AFF2: variants seen among roughly 807,000 people sequenced by gnomAD.
The protein encoded by AFF2 is AF4/FMR2 family member 2.
AFF2 carries 14 observed loss-of-function variants against 76.9 expected under a neutral mutation model. That is an observed-to-expected ratio of 0.18 (90% CI 0.12 to 0.28). The LOEUF (loss-of-function observed/expected upper bound fraction) is 0.28, where lower values mean the gene tolerates loss of function less well. AFF2 is among the 10% of genes least tolerant of loss of function. The probability of loss-of-function intolerance (pLI) is 1.00; values close to 1 mark genes in which losing one functional copy is unlikely to be tolerated. For synonymous variants in AFF2, 398 were observed against 366.7 expected (o/e 1.09, Z -0.98); for missense variants, 868 against 1,001.1 (o/e 0.87, Z 1.79).
chrX:148,533,345 T>A (rs1298485098), intron 1 of AFF2, among the ~76,000 whole-genome samples: 1 of 109,761 alleles, frequency 9.1e-6, no homozygotes, highest in East Asian at 2.8e-4. Flanking sequence ...CAGGCTGGAG[T>A]GCAGTGGTGC....
At chrX:148,621,024 C>T (rs1285765468) in intron 1 of AFF2, among the ~76,000 whole-genome samples, 1 of 111,641 alleles carries the variant, frequency 9.0e-6, no homozygotes, top group East Asian at 2.9e-4. Flanking sequence ...GCAGTGAATG[C>T]TTTATGAGCC....
chrX:148,736,410 A>G (rs781943519), intron 3 of AFF2, among the ~76,000 whole-genome samples: 29 of 110,970 alleles, frequency 2.6e-4, no homozygotes, highest in South Asian at 1.1e-3. Flanking sequence ...GGTCATTTGT[A>G]TATCTTCTTT....
chrX:148,753,190 G>C (rs2055522491), intron 3 of AFF2, among the ~76,000 whole-genome samples: 2 of 111,672 alleles, frequency 1.8e-5, no homozygotes, highest in Non-Finnish European at 3.8e-5. Flanking sequence ...CATTTTTATA[G>C]TATGCATAAT....
At chrX:148,586,195 C>G (rs1294092847) in intron 1 of AFF2, among the ~76,000 whole-genome samples, 1 of 111,191 alleles carries the variant, frequency 9.0e-6, no homozygotes, top group Admixed American at 9.6e-5. Flanking sequence ...TCCTGGGTGC[C>G]AGGTCAAGGT....
intron 5 of AFF2, among the ~76,000 whole-genome samples, chrX:148,839,933 G>GTA (rs1208048851): frequency 9.3e-6 from 1 of 107,542 alleles, no homozygotes; most frequent in African/African-American, 3.5e-5. Flanking sequence ...GTGTGTGTGT[G>GTA]TGTATGTGTA....
Position 148,921,859 on chromosome X carries a change from G to A in AFF2, c.1397+17601G>A, listed in dbSNP as rs139422285. Among the ~76,000 whole-genome samples the A allele has an allele frequency of 7.3e-3, 819 of 111,968 alleles. 3 individuals are homozygous for A. The highest frequency in any genetic ancestry group is 0.018 in the African/African-American group (541 of 30,841). On this transcript the variant is annotated intron_variant, in intron 9 of 20. Transcript: ENST00000370460. ...TGTTCTTCAATTCTGTAAACTATTC[G>A]TCCTACTTGCAAAACAAGGAGGTGG... is the stretch of plus-strand genomic sequence containing the variant.
intron 3 of AFF2, among the ~76,000 whole-genome samples, chrX:148,786,916 G>A (rs782148581): frequency 1.8e-5 from 2 of 111,857 alleles, no homozygotes; most frequent in Non-Finnish European, 3.8e-5. Context: ...CCCCACCCAC[G>A]GACCAGTTAG....
intron 1 of AFF2, among the ~76,000 whole-genome samples, chrX:148,570,488 A>T (rs2053217135): frequency 8.9e-6 from 1 of 111,987 alleles, no homozygotes; most frequent in East Asian, 2.8e-4. Context: ...TTTCATTTCA[A>T]AGATAGTGCT....
At chrX:148,625,711 T>C (rs2053918907) in intron 1 of AFF2, among the ~76,000 whole-genome samples, 1 of 111,800 alleles carries the variant, frequency 8.9e-6, no homozygotes, top group African/African-American at 3.2e-5. Context: ...TTCCTAAAGA[T>C]AGAGGATCCT....
chrX:148,987,457 C>T lies in AFF2; in HGVS notation c.3714C>T (p.Arg1238=). The T allele has an allele frequency of 1.7e-6, 2 of 1,210,879 alleles. No individual in the cohort carries two copies. The highest frequency in any genetic ancestry group is 2.2e-6 in the Non-Finnish European group (2 of 894,623). Residue 1238 remains arginine (R), a synonymous_variant, in exon 20 of 21, where the codon CGC becomes CGT. Transcript: ENST00000370460. ...CNNGPVTIPQ[R]IHHMAASHVN... Reference sequence around the variant, plus strand: ...ATGGCCCAGTCACCATTCCCCAGCGCATTCACCACATGGCTGCCAGCCACG... The same window carrying T: ...ATGGCCCAGTCACCATTCCCCAGCGTATTCACCACATGGCTGCCAGCCACG...
intron 3 of AFF2, among the ~76,000 whole-genome samples, chrX:148,674,528 G>A (rs1344069717): frequency 8.9e-6 from 1 of 112,061 alleles, no homozygotes; most frequent in African/African-American, 3.2e-5. Flanking sequence ...ACAGACAGGT[G>A]GATGTAAATG....
At chrX:148,973,944 A>G (rs1328602893) in intron 16 of AFF2, among the ~76,000 whole-genome samples, 1 of 111,845 alleles carries the variant, frequency 8.9e-6, no homozygotes, top group East Asian at 2.8e-4. Flanking sequence ...TTTATAATTC[A>G]AAAAAATGGT....
At chrX:148,656,493 ATT>A (rs1205846596) in intron 2 of AFF2, among the ~76,000 whole-genome samples, 85 of 68,063 alleles carry the variant, frequency 1.2e-3, no homozygotes, top group African/African-American at 2.5e-3. Flanking sequence ...TCCATGAGGA[ATT>A]TTTTTTTTTT....
chrX:148,901,399 C>A (rs993891919), intron 8 of AFF2, among the ~76,000 whole-genome samples: 2 of 112,098 alleles, frequency 1.8e-5, no homozygotes, highest in East Asian at 5.6e-4. Context: ...AGCATATAGA[C>A]GTTATAAATT....
At chrX:148,973,403 C>A in intron 15 of AFF2, 68 bp from the exon 16 acceptor site, 1 of 1,175,006 alleles carries the variant, frequency 8.5e-7, no homozygotes, top group Non-Finnish European at 1.2e-6. Flanking sequence ...CCCCCAGTTT[C>A]AAACCACTCT....
At chrX:148,881,511 T>A (rs2071096157) in intron 7 of AFF2, among the ~76,000 whole-genome samples, 1 of 111,448 alleles carries the variant, frequency 9.0e-6, no homozygotes, top group African/African-American at 3.3e-5. Context: ...GTCTTTCAAA[T>A]TTCTGGGATA....
At chrX:148,913,025 A>G (rs16994809) in intron 9 of AFF2, among the ~76,000 whole-genome samples, 1,442 of 113,413 alleles carry the variant, frequency 0.013, 25 homozygotes, top group African/African-American at 0.044. Flanking sequence ...AAATAGCTGC[A>G]TAAAATAAAT....
chrX:148,763,002 C>A (rs1347868359), intron 3 of AFF2, among the ~76,000 whole-genome samples: 2 of 112,267 alleles, frequency 1.8e-5, no homozygotes, highest in African/African-American at 3.2e-5. Context: ...TTCTGAATAG[C>A]TAACTTCTAG....
intron 1 of AFF2, among the ~76,000 whole-genome samples, chrX:148,574,940 T>TGG (rs1293420109): frequency 4.0e-5 from 3 of 74,689 alleles, no homozygotes; most frequent in Non-Finnish European, 7.2e-5. Context: ...TACATAGTGC[T>TGG]GGGGTGTGTG....
Sources: allele counts gnomAD v4.1 joint callset (sites outside exome capture counted in the v4.1 genomes callset), GRCh38; gene constraint gnomAD v4.1.1; transcripts MANE v1.5; gene names NCBI Gene and HGNC (gene_info 2026-07-23, HGNC 2026-07-21).